The following PPP4R4 variants were observed in gnomAD, a reference collection of about 807,000 sequenced individuals.
The protein encoded by PPP4R4 is protein phosphatase 4 regulatory subunit 4.
In PPP4R4, 70 loss-of-function variants were observed where a neutral mutation model predicts 121.8. That is an observed-to-expected ratio of 0.57 (90% CI 0.47 to 0.70). PPP4R4 has a LOEUF of 0.70. Ranked by LOEUF, PPP4R4 falls within the 30% of genes least tolerant of loss-of-function variation. The pLI is 0.00. For missense variants in PPP4R4, 875 were observed against 1,033.6 expected (o/e 0.85, Z 2.10); for synonymous variants, 348 against 355.7 (o/e 0.98, Z 0.24).
intron 5 of PPP4R4, among the ~76,000 whole-genome samples, chr14:94,232,310 G>C (rs371264986): frequency 6.6e-6 from 1 of 152,030 alleles, no homozygotes; most frequent in East Asian, 1.9e-4. Flanking sequence ...GTCCTCTACT[G>C]ACTTCATTAA....
chr14:94,217,040 C>G (rs1382426770), intron 3 of PPP4R4, among the ~76,000 whole-genome samples: 1 of 152,160 alleles, frequency 6.6e-6, no homozygotes, highest in Non-Finnish European at 1.5e-5. Context: ...GACAGGAACA[C>G]TGAAAAAGTT....
rs1378722448 is a variant in PPP4R4, at chr14:94,279,577, A to G, written c.*934A>G. On this transcript the variant is annotated 3_prime_UTR_variant, in exon 25 of 25. Coordinates refer to ENST00000304338, the MANE Select transcript of PPP4R4 (RefSeq NM_058237.2). ...CTCTATTTCAAAATGCAATCAGCAT[A>G]TAACTATATTGATATTAGAAGATAT... The G allele has an allele frequency of 6.6e-6, 1 of 152,638 alleles. No individual in the cohort carries two copies. Among genetic ancestry groups the G allele is most frequent in the African/African-American group, 2.4e-5 (1 of 41,458 alleles). 9.5% of individuals were successfully genotyped at this position (152,638 alleles called of 1,614,324 possible). A position where few individuals can be genotyped will look rare whatever the true frequency, so the allele number is the denominator to read the frequency against.
chr14:94,233,245 T>C (rs1019500078), intron 5 of PPP4R4, among the ~76,000 whole-genome samples: 7 of 152,260 alleles, frequency 4.6e-5, no homozygotes, highest in African/African-American at 1.7e-4. Context: ...TTTAATAGGA[T>C]TTATTTGAAG....
chr14:94,275,628 G>A (rs1365174858), intron 24 of PPP4R4, 107 bp downstream of exon 24: 2 of 1,272,970 alleles, frequency 1.6e-6, no homozygotes, highest in Non-Finnish European at 2.2e-6. Context: ...TGTCTGTGAT[G>A]AGAAAATGTT....
rs80243129 is a variant in PPP4R4, at chr14:94,251,069, C to A, written c.1718-680C>A. On this transcript the variant is annotated intron_variant, in intron 15 of 24. Coordinates refer to ENST00000304338, the MANE Select transcript of PPP4R4 (RefSeq NM_058237.2). ...TTCTTTTTATAGTCTTATTTTAATT[C>A]GGTTTTCATTTTTCAGTGGCAAGAG... Among the ~76,000 whole-genome samples, 5 of 151,922 alleles carry A rather than the reference C, an allele frequency of 3.3e-5. No individual in the cohort carries two copies. The South Asian group carries it at 8.3e-4, about 25-fold the overall frequency.
intron 2 of PPP4R4, among the ~76,000 whole-genome samples, chr14:94,187,824 C>G (rs1414625911): frequency 6.6e-6 from 1 of 152,088 alleles, no homozygotes; most frequent in African/African-American, 2.4e-5. Context: ...GATGTTATTT[C>G]TCATCATTAG....
intron 2 of PPP4R4, among the ~76,000 whole-genome samples, chr14:94,202,482 A>T (rs900701967): frequency 2.6e-5 from 4 of 152,198 alleles, no homozygotes; most frequent in African/African-American, 7.2e-5. Context: ...CTTGGGGGAA[A>T]GTATTCTTTC....
chr14:94,268,832 C>T (rs879763187), intron 23 of PPP4R4, among the ~76,000 whole-genome samples: 5 of 152,188 alleles, frequency 3.3e-5, no homozygotes, highest in East Asian at 1.9e-4. Context: ...TACCTCCCAC[C>T]GGGTCCCTCC....
At chr14:94,249,486 A>G (rs1267650188) in intron 14 of PPP4R4, among the ~76,000 whole-genome samples, 1 of 152,084 alleles carries the variant, frequency 6.6e-6, no homozygotes, top group Non-Finnish European at 1.5e-5. Flanking sequence ...GTAAATCAAG[A>G]TAATGAACAT....
chr14:94,182,003 A>C (rs1426698805), intron 2 of PPP4R4, among the ~76,000 whole-genome samples: 1 of 152,202 alleles, frequency 6.6e-6, no homozygotes, highest in Non-Finnish European at 1.5e-5. Context: ...TTCAGCTTGC[A>C]GTTGCAAGGG....
At chr14:94,267,561 T>C (rs1894111801) in intron 23 of PPP4R4, among the ~76,000 whole-genome samples, 1 of 152,142 alleles carries the variant, frequency 6.6e-6, no homozygotes, top group Admixed American at 6.6e-5. Context: ...CCAATAAAAC[T>C]TTATCTACAA....
intron 3 of PPP4R4, among the ~76,000 whole-genome samples, chr14:94,222,206 G>T (rs1891441893): frequency 6.6e-6 from 1 of 151,136 alleles, no homozygotes; most frequent in African/African-American, 2.4e-5. Context: ...TTTTCTTTTT[G>T]CCAACTGCTC....
chr14:94,223,693 T>A (rs1402190120), intron 3 of PPP4R4, among the ~76,000 whole-genome samples: 1 of 152,214 alleles, frequency 6.6e-6, no homozygotes, highest in African/African-American at 2.4e-5. Context: ...ATTTTTATGT[T>A]TTGTTCAGCT....
chr14:94,255,298 A>G (rs1893408460), intron 16 of PPP4R4, among the ~76,000 whole-genome samples: 1 of 152,178 alleles, frequency 6.6e-6, no homozygotes, highest in Non-Finnish European at 1.5e-5. Flanking sequence ...TGCTGCTGGT[A>G]AAAGATATTC....
intron 2 of PPP4R4, among the ~76,000 whole-genome samples, chr14:94,195,276 G>T (rs1178414591): frequency 6.6e-6 from 1 of 152,102 alleles, no homozygotes; most frequent in Admixed American, 6.6e-5. Context: ...TAGAAATCAA[G>T]TTCCCAGGCC....
intron 23 of PPP4R4, among the ~76,000 whole-genome samples, chr14:94,267,568 A>G (rs1894112437): frequency 7.2e-5 from 11 of 152,174 alleles, no homozygotes; most frequent in Admixed American, 7.2e-4. Context: ...AACTTTATCT[A>G]CAAAAACAGG....
chr14:94,221,027 G>A (rs918200096), intron 3 of PPP4R4, among the ~76,000 whole-genome samples: 1 of 152,104 alleles, frequency 6.6e-6, no homozygotes, highest in Non-Finnish European at 1.5e-5. Flanking sequence ...TGTATGATTG[G>A]TGTAAAGACA....
Position 94,242,774 on chromosome 14 carries a change from A to G in PPP4R4, c.1266+366A>G, listed in dbSNP as rs146430067. On this transcript the variant is annotated intron_variant, in intron 11 of 24. Coordinates refer to ENST00000304338, the MANE Select transcript of PPP4R4 (RefSeq NM_058237.2). ...CCTAAACTTAAGCACTTGAGAACCA[A>G]TAGAAAATTGAGACACATTAATTAT... 7.0e-3 allele frequency among the ~76,000 whole-genome samples: 1,071 copies of G among 152,306 alleles called. 12 individuals carry two copies. The highest frequency in any genetic ancestry group is 0.025 in the African/African-American group (1,021 of 41,574).
intron 3 of PPP4R4, among the ~76,000 whole-genome samples, chr14:94,211,096 T>C (rs1890716495): frequency 6.6e-6 from 1 of 152,212 alleles, no homozygotes; most frequent in Non-Finnish European, 1.5e-5. Context: ...TTAGTAATAA[T>C]GGCATTCTCA....
Sources: allele counts gnomAD v4.1 joint callset (sites outside exome capture counted in the v4.1 genomes callset), GRCh38; gene constraint gnomAD v4.1.1; transcripts MANE v1.5; gene names NCBI Gene and HGNC (gene_info 2026-07-23, HGNC 2026-07-21).